MRPL42: variants seen among roughly 807,000 people sequenced by gnomAD.
MRPL42 encodes large ribosomal subunit protein mL42.
A neutral mutation model predicts 17.9 loss-of-function variants in MRPL42; 17 were observed. That is an observed-to-expected ratio of 0.95 (90% CI 0.65 to 1.42). MRPL42 has a LOEUF of 1.42. Ranked by LOEUF, MRPL42 falls within the 40% of genes most tolerant of loss-of-function variation. The pLI, the probability that MRPL42 is intolerant of heterozygous loss-of-function variation, is 0.00. For missense variants in MRPL42, 177 were observed against 175.2 expected (o/e 1.01, Z -0.06); for synonymous variants, 59 against 54.4 (o/e 1.08, Z -0.37).
In MRPL42 at chr12:93,508,799, A is replaced by G. The variant is rs1252364989; in HGVS notation, c.*7578A>G. On this transcript the variant is annotated 3_prime_UTR_variant, in exon 6 of 6. Transcript: ENST00000549982. The stretch of plus-strand genomic sequence containing the variant: ...TAAGCCATCTCTACCTGAATTAGCA[A>G]TCATGGATAAGCTCAATAACTGATC... 2 of 152,178 alleles carry G rather than the reference A, an allele frequency of 1.3e-5. No homozygotes were observed. Among genetic ancestry groups the G allele is most frequent in the Non-Finnish European group, 2.9e-5 (2 of 68,040 alleles). The allele number at this position is 152,178 out of a possible 1,614,324, so 9.4% of individuals were successfully genotyped here.
intron 5 of MRPL42, among the ~76,000 whole-genome samples, chr12:93,497,238 G>A (rs1953523325): frequency 6.6e-6 from 1 of 152,034 alleles, no homozygotes; most frequent in Non-Finnish European, 1.5e-5. Flanking sequence ...TACAAAAACG[G>A]CATCATCCTG....
At chr12:93,481,629 C>A (rs76522699) in intron 4 of MRPL42, among the ~76,000 whole-genome samples, 1 of 152,144 alleles carries the variant, frequency 6.6e-6, no homozygotes, top group African/African-American at 2.4e-5. Flanking sequence ...TGTAGGTGAT[C>A]TAATACCATG....
chr12:93,489,480 C>T (rs771374602), intron 5 of MRPL42, among the ~76,000 whole-genome samples: 6 of 151,942 alleles, frequency 3.9e-5, no homozygotes, highest in Non-Finnish European at 8.8e-5. Flanking sequence ...CATAGTCTTT[C>T]AATTCCTGCT....
At chr12:93,499,370 T>A (rs1302588541) in intron 5 of MRPL42, among the ~76,000 whole-genome samples, 1 of 151,988 alleles carries the variant, frequency 6.6e-6, no homozygotes, top group Non-Finnish European at 1.5e-5. Flanking sequence ...TAATGGATAG[T>A]TCTTAGCATT....
intron 5 of MRPL42, among the ~76,000 whole-genome samples, chr12:93,491,620 AT>A (rs976959548): frequency 1.3e-5 from 2 of 151,454 alleles, no homozygotes; most frequent in Admixed American, 6.6e-5. Flanking sequence ...TAAGATAAGG[AT>A]TTTTTTTTTG....
chr12:93,476,852 C>G (rs1880206144), intron 2 of MRPL42, 102 bp from the exon 3 acceptor site: 11 of 1,089,594 alleles, frequency 1.0e-5, no homozygotes, highest in Middle Eastern at 2.1e-4. Context: ...CTGTTTCATA[C>G]TAAACAGTAA....
intron 3 of MRPL42, among the ~76,000 whole-genome samples, chr12:93,477,808 G>A (rs1226982590): frequency 1.3e-5 from 2 of 152,070 alleles, no homozygotes; most frequent in Non-Finnish European, 2.9e-5. Flanking sequence ...GACTACAGGC[G>A]CATGCCACCA....
At position 93,504,983 on chromosome 12, in the gene MRPL42, G is replaced by C. The variant is rs1435404951; in HGVS notation, c.*3762G>C. 6.6e-6 allele frequency: 1 copy of C among 152,154 alleles called. No individual in the cohort carries two copies. Among genetic ancestry groups the C allele is most frequent in the Non-Finnish European group, 1.5e-5 (1 of 68,040 alleles). 9.4% of individuals were successfully genotyped at this position (152,154 alleles called of 1,614,324 possible). On this transcript the variant is annotated 3_prime_UTR_variant, in exon 6 of 6. Transcript: ENST00000549982. The stretch of plus-strand genomic sequence containing the variant: ...TGGTTTTATAAAATACATTGCTCTA[G>C]TGCACAGGATTTTAAGCTAAGGATT...
chr12:93,481,712 G>T (rs1413434177), intron 4 of MRPL42, among the ~76,000 whole-genome samples: 5 of 152,090 alleles, frequency 3.3e-5, no homozygotes, highest in African/African-American at 1.2e-4. Context: ...ATTCCCTAGA[G>T]ATATTCTAAT....
intron 3 of MRPL42, among the ~76,000 whole-genome samples, chr12:93,478,279 G>T (rs962275087): frequency 6.6e-6 from 1 of 151,110 alleles, no homozygotes; most frequent in Non-Finnish European, 1.5e-5. Flanking sequence ...ACAGGGTCTC[G>T]CTTTGTCACC....
At chr12:93,474,654 C>T (rs990048184) in intron 2 of MRPL42, among the ~76,000 whole-genome samples, 1 of 152,044 alleles carries the variant, frequency 6.6e-6, no homozygotes, top group Non-Finnish European at 1.5e-5. Context: ...CCAGGCTGGT[C>T]TCAAACTCCT....
intron 2 of MRPL42, among the ~76,000 whole-genome samples, chr12:93,475,962 CAG>C (rs1347697998): frequency 2.0e-5 from 3 of 151,904 alleles, no homozygotes; most frequent in African/African-American, 7.3e-5. Context: ...GCCTGGGAGA[CAG>C]AGCAAGACTC....
At chr12:93,488,930 A>T (rs565913603) in intron 5 of MRPL42, among the ~76,000 whole-genome samples, 1 of 151,748 alleles carries the variant, frequency 6.6e-6, no homozygotes, top group Non-Finnish European at 1.5e-5. Context: ...GGCTCAAGCA[A>T]TCCTCCTTCC....
At chr12:93,492,247 G>C (rs778597900) in intron 5 of MRPL42, among the ~76,000 whole-genome samples, 1 of 152,160 alleles carries the variant, frequency 6.6e-6, no homozygotes, top group Non-Finnish European at 1.5e-5. Flanking sequence ...TAGTATGTAA[G>C]CATTTGCTTT....
Position 93,507,679 on chromosome 12 carries a change from T to C in MRPL42, c.*6458T>C, listed in dbSNP as rs890319871. On this transcript the variant is annotated 3_prime_UTR_variant, in exon 6 of 6. Coordinates refer to ENST00000549982, the MANE Select transcript of MRPL42 (RefSeq NM_014050.4). The stretch of plus-strand genomic sequence containing the variant: ...GCAGCTGAGGTCACTAGTTGGGTTG[T>C]TGAGGCTGGCTAGTCCTAGATGGTG... 3.9e-5 allele frequency: 6 copies of C among 152,280 alleles called. No individual in the cohort carries two copies. Among genetic ancestry groups the C allele is most frequent in the African/African-American group, 1.4e-4 (6 of 41,470 alleles). The allele number at this position is 152,280 out of a possible 1,614,324, so 9.4% of individuals were successfully genotyped here. A position where few individuals can be genotyped will look rare whatever the true frequency, so the allele number is the denominator to read the frequency against.
rs1189921164 is a variant in MRPL42, at chr12:93,504,675, A to G, written c.*3454A>G. ...CTTATTTCCTTTGCAGCCCTTTACC[A>G]TAATGTGTTTCTTCTACCTCCCCTG... On this transcript the variant is annotated 3_prime_UTR_variant, in exon 6 of 6. Coordinates refer to ENST00000549982, the MANE Select transcript of MRPL42 (RefSeq NM_014050.4). The G allele has an allele frequency of 6.6e-6, 1 of 152,164 alleles. No individual in the cohort carries two copies. The highest frequency in any genetic ancestry group is 1.5e-5 in the Non-Finnish European group (1 of 68,038). 9.4% of individuals were successfully genotyped at this position (152,164 alleles called of 1,614,324 possible).
intron 5 of MRPL42, chr12:93,488,278 T>G (rs1200158645): frequency 1.8e-5 from 7 of 398,272 alleles, no homozygotes; most frequent in Non-Finnish European, 2.7e-5. Flanking sequence ...CTCTTTTTTC[T>G]TCTTTTGTAG....
intron 2 of MRPL42, chr12:93,470,343 T>A: frequency 1.1e-5 from 8 of 706,150 alleles, no homozygotes; most frequent in Non-Finnish European, 1.3e-5. Context: ...TTCCTGTCTG[T>A]AAACAGAGTT....
intron 5 of MRPL42, among the ~76,000 whole-genome samples, chr12:93,500,364 G>A (rs1172000758): frequency 6.6e-6 from 1 of 152,268 alleles, no homozygotes; most frequent in Non-Finnish European, 1.5e-5. Context: ...CTTTTAACCA[G>A]TCGGGTCTCA....
Sources: allele counts gnomAD v4.1 joint callset (sites outside exome capture counted in the v4.1 genomes callset), GRCh38; gene constraint gnomAD v4.1.1; transcripts MANE v1.5; gene names NCBI Gene and HGNC (gene_info 2026-07-23, HGNC 2026-07-21).